AMOTL1: variants seen among roughly 807,000 people sequenced by gnomAD.
AMOTL1 encodes the protein angiomotin-like protein 1.
Under a neutral mutation model 102.9 loss-of-function variants are expected in AMOTL1, and 45 were observed. That is an observed-to-expected ratio of 0.44 (90% CI 0.34 to 0.56). AMOTL1 has a LOEUF of 0.56. Ranked by LOEUF, AMOTL1 falls within the 20% of genes least tolerant of loss-of-function variation. The pLI is 0.01. For synonymous variants in AMOTL1, 481 were observed against 484.7 expected (o/e 0.99, Z 0.10); for missense variants, 1,114 against 1,225.6 (o/e 0.91, Z 1.36).
chr11:94,851,732 A>T (rs1368280090), intron 7 of AMOTL1, among the ~76,000 whole-genome samples: 2 of 152,216 alleles, frequency 1.3e-5, no homozygotes, highest in African/African-American at 4.8e-5. Flanking sequence ...TACTTGGAGG[A>T]TTAAATGAGA....
At chr11:94,834,305 G>C (rs146205568) in intron 6 of AMOTL1, among the ~76,000 whole-genome samples, 84 of 152,010 alleles carry the variant, frequency 5.5e-4, no homozygotes, top group South Asian at 2.1e-4. Flanking sequence ...GTTATGTCTC[G>C]GGCCGGGCGC....
chr11:94,838,751 T>C (rs889806931), intron 6 of AMOTL1, among the ~76,000 whole-genome samples: 3 of 152,258 alleles, frequency 2.0e-5, no homozygotes, highest in Non-Finnish European at 2.9e-5. Context: ...ATATAATTGT[T>C]ATTTTCTCTC....
rs374964368 is a variant in AMOTL1, at chr11:94,835,335, TG to T, written c.1648+3795del. ...AAGGTTCTCATTTTTCCCATTTGTT[TG>T]TCACATACACACATGCATACCAGAG... On this transcript the variant is annotated intron_variant, in intron 6 of 12. Coordinates refer to ENST00000433060, the MANE Select transcript of AMOTL1 (RefSeq NM_130847.3). Among the ~76,000 whole-genome samples the T allele has an allele frequency of 3.4e-3, 512 of 152,332 alleles. 1 individual carries two copies. Among genetic ancestry groups the T allele is most frequent in the Non-Finnish European group, 5.7e-3 (385 of 68,040 alleles).
chr11:94,840,401 T>A (rs1479510123), intron 6 of AMOTL1, among the ~76,000 whole-genome samples: 1 of 151,872 alleles, frequency 6.6e-6, no homozygotes, highest in Non-Finnish European at 1.5e-5. Context: ...TTACAAAGAC[T>A]GGTTTGGTAG....
chr11:94,718,702 T>C (rs1347981954), intron 1 of AMOTL1, among the ~76,000 whole-genome samples: 1 of 151,788 alleles, frequency 6.6e-6, no homozygotes, highest in Non-Finnish European at 1.5e-5. Flanking sequence ...TTAATATTTG[T>C]TTATCTATTG....
rs2135631161 is a variant in AMOTL1, at chr11:94,821,821, G to A, written c.1413G>A (p.Lys471=). ...GYYDNADKLH[K]FEKELQRISE... Reference sequence around the variant, plus strand: ...ACGACAATGCCGACAAGCTCCACAAGGTGCGTGACTTCCCTGGGGAATGGG... The same window carrying A: ...ACGACAATGCCGACAAGCTCCACAAAGTGCGTGACTTCCCTGGGGAATGGG... Residue 471 remains lysine (K), a splice_region_variant and synonymous_variant, in exon 4 of 13, where the codon AAG becomes AAA. Transcript: ENST00000433060. The A allele has an allele frequency of 6.2e-7, 1 of 1,612,696 alleles. No individual in the cohort carries two copies. Among genetic ancestry groups the A allele is most frequent in the East Asian group, 2.2e-5 (1 of 44,860 alleles).
intron 3 of AMOTL1, among the ~76,000 whole-genome samples, chr11:94,751,692 G>T (rs1950655891): frequency 7.1e-6 from 1 of 140,246 alleles, no homozygotes; most frequent in Non-Finnish European, 1.5e-5. Flanking sequence ...ATGGTTATCT[G>T]CTTTGGCTAA....
At position 94,829,828 on chromosome 11, in the gene AMOTL1, G is replaced by A. The variant is rs572268392; in HGVS notation, c.1414-222G>A. 5.3e-5 allele frequency among the ~76,000 whole-genome samples: 8 copies of A among 152,280 alleles called. 1 individual carries two copies. The highest frequency in any genetic ancestry group is 1.9e-4 in the African/African-American group (8 of 41,558). ...TTACAAGGTGACATCAGACAGTTCG[G>A]CCAGACTTGTGAGCCTGTAATTTAC... On this transcript the variant is annotated intron_variant, in intron 4 of 12. Transcript: ENST00000433060.
chr11:94,773,703 G>A (rs1950984960), intron 1 of AMOTL1, among the ~76,000 whole-genome samples: 1 of 152,216 alleles, frequency 6.6e-6, no homozygotes, highest in Non-Finnish European at 1.5e-5. Flanking sequence ...ATTCTTTAGA[G>A]TGTGTTACTC....
At chr11:94,862,305 A>T (rs1007563866) in intron 9 of AMOTL1, among the ~76,000 whole-genome samples, 1 of 152,192 alleles carries the variant, frequency 6.6e-6, no homozygotes, top group Non-Finnish European at 1.5e-5. Flanking sequence ...TTTCAGTAAG[A>T]GAAAAAAGGA....
At chr11:94,845,319 C>T (rs1190097255) in intron 6 of AMOTL1, among the ~76,000 whole-genome samples, 1 of 152,168 alleles carries the variant, frequency 6.6e-6, no homozygotes, top group Non-Finnish European at 1.5e-5. Flanking sequence ...CACTTGTGTT[C>T]TTTCCTCAAG....
At chr11:94,825,393 G>T (rs915579512) in intron 4 of AMOTL1, among the ~76,000 whole-genome samples, 6 of 152,210 alleles carry the variant, frequency 3.9e-5, no homozygotes, top group African/African-American at 1.4e-4. Context: ...GAAAAAACCA[G>T]TATCTGGAGC....
At chr11:94,729,023 C>A (rs1053026567) in exon 2 of AMOTL1, 1 of 1,288,960 alleles carries the variant, frequency 7.8e-7, no homozygotes, top group Non-Finnish European at 1.0e-6. Context: ...TTATCCCATG[C>A]TGGAATTCAT....
chr11:94,748,707 C>T (rs1260703788), intron 3 of AMOTL1, among the ~76,000 whole-genome samples: 1 of 152,162 alleles, frequency 6.6e-6, no homozygotes, highest in African/African-American at 2.4e-5. Flanking sequence ...TGATGCTTTT[C>T]CAGACCCACT....
intron 1 of AMOTL1, among the ~76,000 whole-genome samples, chr11:94,785,659 C>T (rs1031731142): frequency 1.3e-5 from 2 of 152,092 alleles, no homozygotes; most frequent in African/African-American, 2.4e-5. Flanking sequence ...TGTGGGATGC[C>T]GCTGCCTGAC....
chr11:94,833,579 A>G (rs1952116582), intron 6 of AMOTL1, among the ~76,000 whole-genome samples: 1 of 152,250 alleles, frequency 6.6e-6, no homozygotes. Context: ...CTCCCAGGTT[A>G]TAATAATATT....
chr11:94,756,013 A>G (rs1950719134), intron 3 of AMOTL1, among the ~76,000 whole-genome samples: 1 of 152,098 alleles, frequency 6.6e-6, no homozygotes. Context: ...AATGAGGTGG[A>G]CGGGAAACCA....
chr11:94,828,193 T>A (rs562581920), intron 4 of AMOTL1, among the ~76,000 whole-genome samples: 5 of 152,330 alleles, frequency 3.3e-5, no homozygotes, highest in Non-Finnish European at 1.5e-5. Context: ...TACCCCATCT[T>A]CTAAGCTGTG....
At chr11:94,760,743 A>G (rs1260225969) in intron 3 of AMOTL1, among the ~76,000 whole-genome samples, 1 of 152,018 alleles carries the variant, frequency 6.6e-6, no homozygotes, top group East Asian at 1.9e-4. Flanking sequence ...ACTTCTTTAT[A>G]TGTTTTAGTA....
Sources: allele counts gnomAD v4.1 joint callset (sites outside exome capture counted in the v4.1 genomes callset), GRCh38; gene constraint gnomAD v4.1.1; transcripts MANE v1.5; gene names NCBI Gene and HGNC (gene_info 2026-07-23, HGNC 2026-07-21).